Variants in ICAM5 observed in about 807,000 individuals in gnomAD.
ICAM5 encodes the protein ICAM-5.
In ICAM5, 38 loss-of-function variants were observed where a neutral mutation model predicts 78.8. The ratio of observed to expected loss-of-function variants is 0.48; its 90% CI spans 0.37 to 0.63. ICAM5 has a LOEUF of 0.63. ICAM5 is among the 30% of genes least tolerant of loss of function. The pLI is 0.00. For missense variants in ICAM5, 1,059 were observed against 1,303.0 expected (o/e 0.81, Z 2.88); for synonymous variants, 544 against 590.9 (o/e 0.92, Z 1.15).
intron 9 of ICAM5, 144 bp from the exon 10 acceptor site, chr19:10,295,202 G>A: frequency 1.1e-6 from 1 of 918,242 alleles, no homozygotes; most frequent in Non-Finnish European, 1.5e-6. Flanking sequence ...GATTGTCGGG[G>A]AAGGAGGCTC....
At position 10,291,482 on chromosome 19, in the gene ICAM5, C is replaced by T. The variant is rs759166183; in HGVS notation, c.353-7C>T. 27 of 1,612,132 alleles carry T rather than the reference C, an allele frequency of 1.7e-5. No homozygotes were observed. In the African/African-American group the frequency reaches 2.5e-4, roughly 15 times the overall value. On this transcript the variant is annotated splice_polypyrimidine_tract_variant and splice_region_variant and intron_variant, in intron 2 of 10. Coordinates refer to ENST00000221980, the MANE Select transcript of ICAM5 (RefSeq NM_003259.4). ...TTCAAAGAGCTGCGGACTCTTCCCC[C>T]TTGCAGAGCGACCAGATCGCGTAGA...
chr19:10,295,740 A>G, intron 10 of ICAM5, 128 bp downstream of exon 10: 7 of 1,122,384 alleles, frequency 6.2e-6, no homozygotes, highest in Non-Finnish European at 7.4e-6. Context: ...GACAGAGTAG[A>G]AGTCAAAGGT....
chr19:10,293,191 C>G lies in ICAM5; in HGVS notation c.1410C>G (p.Cys470Trp). 1 of 1,609,158 alleles carries G rather than the reference C, an allele frequency of 6.2e-7. No homozygotes were observed. Among genetic ancestry groups the G allele is most frequent in the Non-Finnish European group, 8.5e-7 (1 of 1,178,036 alleles). Residue 470 changes from cysteine to tryptophan, a missense_variant, in exon 6 of 11, where the codon TGC (cysteine) becomes TGG (tryptophan). This residue lies in a region of ICAM5 where 815 missense variants were observed against 952.8 expected (regional missense o/e 0.86). Coordinates refer to ENST00000221980, the MANE Select transcript of ICAM5 (RefSeq NM_003259.4). The surrounding 1 kb of genome is among the most constrained non-coding windows in gnomAD (Gnocchi z 5.0). ...GGGCGCTCTCAGGCACTTACCGCTG[C>G]AAGGCGGCCAATGATCAAGGCGAGG... is the stretch of plus-strand genomic sequence containing the variant. Reference protein sequence around the residue: ...VTRALSGTYRCKAANDQGEAV... With the variant: ...VTRALSGTYRWKAANDQGEAV...
rs1020923791 is a variant in ICAM5 at position 10,290,069 on chromosome 19, G to C, written c.26G>C (p.Arg9Pro). The change falls in exon 1 of 11, where the codon CGC becomes CCC. Residue 9 changes from arginine to proline, a missense_variant. Coordinates refer to ENST00000221980, the MANE Select transcript of ICAM5 (RefSeq NM_003259.4). This position sits in a 1 kb window ranked among gnomAD's most constrained non-coding sequence, Gnocchi z 5.7. Reference sequence around the variant, plus strand: ...ATGCCAGGGCCTTCGCCAGGGCTGCGCCGGGCGCTACTCGGCCTCTGGGCT... The same window carrying C: ...ATGCCAGGGCCTTCGCCAGGGCTGCCCCGGGCGCTACTCGGCCTCTGGGCT... MPGPSPGL[R>P]RALLGLWAAL... The C allele has an allele frequency of 5.8e-6, 9 of 1,542,560 alleles. No individual in the cohort carries two copies. The highest frequency in any genetic ancestry group is 1.4e-5 in the African/African-American group (1 of 72,542).
Position 10,295,689 on chromosome 19 carries a change from G to C in ICAM5, c.2497+77G>C, listed in dbSNP as rs576408367. The C allele has an allele frequency of 1.3e-5, 18 of 1,426,616 alleles. No individual in the cohort carries two copies. The African/African-American group carries it at 1.9e-4, about 15-fold the overall frequency. The allele number at this position is 1,426,616 out of a possible 1,614,324, so 88.4% of individuals were successfully genotyped here. On this transcript the variant is annotated intron_variant, in intron 10 of 10. Coordinates refer to ENST00000221980, the MANE Select transcript of ICAM5 (RefSeq NM_003259.4). ...CCTGGGTCTTGGGGCGGCCGGCCCC[G>C]CCTGCCTCCCTCTCGGTCCCGGTAG...
chr19:10,291,012 A>G (rs931933556), intron 1 of ICAM5, 60 bp from the exon 2 acceptor site: 80 of 1,535,500 alleles, frequency 5.2e-5, no homozygotes, highest in Non-Finnish European at 6.2e-5. Flanking sequence ...GACTCGACAT[A>G]GGGGCGCTAA....
chr19:10,293,712 G>A lies in ICAM5; in HGVS notation c.1480G>A (p.Asp494Asn). 1.2e-6 allele frequency: 2 copies of A among 1,613,732 alleles called. No individual in the cohort carries two copies. The highest frequency in any genetic ancestry group is 1.7e-6 in the Non-Finnish European group (2 of 1,179,988). The change falls in exon 7 of 11, where the codon GAC becomes AAC. Residue 494 changes from aspartate (D) to asparagine (N), a missense_variant. Around this residue, in one of 3 missense-constraint regions of ICAM5, gnomAD observed 815 missense variants for 952.8 expected, o/e 0.86. Coordinates refer to ENST00000221980, the MANE Select transcript of ICAM5 (RefSeq NM_003259.4). The surrounding 1 kb of genome is among the most constrained non-coding windows in gnomAD (Gnocchi z 5.0). ...CCCTCCTCCAGACGCACCAGCGCTG[G>A]ACAGCGTGGGCTGCCCAGAACGCAT... The part of the protein sequence containing the change: ...TLTVEYAPAL[D>N]SVGCPERITW...
At chr19:10,295,672 T>C (rs1008493691) in intron 10 of ICAM5, 60 bp downstream of exon 10, 3 of 1,481,970 alleles carry the variant, frequency 2.0e-6, no homozygotes, top group African/African-American at 1.4e-5. Context: ...GACCTGGGTC[T>C]TGGGGCGGCC....
In ICAM5 at chr19:10,290,177, G is replaced by T; in HGVS notation, c.82+52G>T. On this transcript the variant is annotated intron_variant, in intron 1 of 10. Transcript: ENST00000221980. The surrounding 1 kb of genome is among the most constrained non-coding windows in gnomAD (Gnocchi z 5.7). ...GGACAGGGCGGGGGCGGAGTCCCTG[G>T]ACCTGAGAAACGGCCTCCTGTCCCT... The T allele has an allele frequency of 7.3e-7, 1 of 1,362,190 alleles. No individual in the cohort carries two copies. The allele number at this position is 1,362,190 out of a possible 1,614,324, so 84.4% of individuals were successfully genotyped here.
At position 10,293,604 on chromosome 19, in the gene ICAM5, A is replaced by G. The variant is rs2040194411; in HGVS notation, c.1466-94A>G. On this transcript the variant is annotated intron_variant, in intron 6 of 10. Transcript: ENST00000221980. This position sits in a 1 kb window ranked among gnomAD's most constrained non-coding sequence, Gnocchi z 5.0. ...CGGCGTCCAAGGGTTATGCAGGGAC[A>G]ACACTTCGTGGAAGCCTTGCCGCGC... 1.3e-6 allele frequency: 2 copies of G among 1,508,532 alleles called. No homozygotes were observed. Among genetic ancestry groups the G allele is most frequent in the South Asian group, 2.5e-5 (2 of 79,486 alleles). 93.4% of individuals were successfully genotyped at this position (1,508,532 alleles called of 1,614,324 possible). A position where few individuals can be genotyped will look rare whatever the true frequency, so the allele number is the denominator to read the frequency against.
rs779071361 is a variant in ICAM5 at position 10,292,851 on chromosome 19, G to A, written c.1201G>A (p.Glu401Lys). The A allele has an allele frequency of 6.2e-7, 1 of 1,612,596 alleles. No individual in the cohort carries two copies. Residue 401 changes from glutamate to lysine, a missense_variant, in exon 5 of 11, where the codon GAG (glutamate) becomes AAG (lysine). Coordinates refer to ENST00000221980, the MANE Select transcript of ICAM5 (RefSeq NM_003259.4). Reference protein sequence around the residue: ...GETLIKNRSAELRVLYAPRLD... With the variant: ...GETLIKNRSAKLRVLYAPRLD... ...GACCCTGATCAAGAACAGGAGCGCA[G>A]AGCTTCGTGTCCTATGTGAGTTGGT...
In ICAM5 at chr19:10,292,102, G is replaced by A; in HGVS notation, c.741G>A (p.Val247=). The change falls in exon 4 of 11, where the codon GTG becomes GTA. Residue 247 remains valine (V), a synonymous_variant. Transcript: ENST00000221980. ...TGGAAGTTGGCTCGGAAAGGCCCGT[G>A]AGCTGCACTCTGGACGGACTGTTTC... ...RLLEVGSERP[V]SCTLDGLFPA... is the part of the protein sequence containing the mutation. 6.2e-7 allele frequency: 1 copy of A among 1,613,404 alleles called. No homozygotes were observed. Among genetic ancestry groups the A allele is most frequent in the Non-Finnish European group, 8.5e-7 (1 of 1,180,040 alleles).
chr19:10,293,583 G>A lies in ICAM5; in HGVS notation c.1466-115G>A, dbSNP rs1162510713. 7.2e-7 allele frequency: 1 copy of A among 1,398,494 alleles called. No individual in the cohort carries two copies. 86.6% of individuals were successfully genotyped at this position (1,398,494 alleles called of 1,614,324 possible). A position where few individuals can be genotyped will look rare whatever the true frequency, so the allele number is the denominator to read the frequency against. On this transcript the variant is annotated intron_variant, in intron 6 of 10. Coordinates refer to ENST00000221980, the MANE Select transcript of ICAM5 (RefSeq NM_003259.4). This position sits in a 1 kb window ranked among gnomAD's most constrained non-coding sequence, Gnocchi z 5.0. ...TAGCGTGACACCTCCTTGGATCGGC[G>A]TCCAAGGGTTATGCAGGGACAACAC...
chr19:10,296,729 C>A lies in ICAM5; in HGVS notation c.*113C>A. The stretch of plus-strand genomic sequence containing the variant: ...TTATTTATGTATTCAACTCCAAGGG[C>A]GTCACCCCCATTTTCTACCCATCCC... On this transcript the variant is annotated 3_prime_UTR_variant, in exon 11 of 11. Transcript: ENST00000221980. 2 of 948,944 alleles carry A rather than the reference C, an allele frequency of 2.1e-6. No homozygotes were observed. Among genetic ancestry groups the A allele is most frequent in the Non-Finnish European group, 1.3e-6 (1 of 752,994 alleles). 58.8% of individuals were successfully genotyped at this position (948,944 alleles called of 1,614,324 possible).
chr19:10,291,989 T>C (rs578005327), intron 3 of ICAM5, 46 bp from the exon 4 acceptor site: 1 of 1,585,728 alleles, frequency 6.3e-7, no homozygotes, highest in South Asian at 1.1e-5. Context: ...GCTTAGGACA[T>C]ATTGAGCGCT....
At position 10,292,653 on chromosome 19, in the gene ICAM5, T is replaced by G. The variant is rs775163669; in HGVS notation, c.1003T>G (p.Ser335Ala). Reference sequence around the variant, plus strand: ...CCTGACCCTGAGCGAACCCAGCGTCTCCGAGGGGCAGATGGTGACAGTAAC... The same window carrying G: ...CCTGACCCTGAGCGAACCCAGCGTCGCCGAGGGGCAGATGGTGACAGTAAC... The part of the protein sequence containing the change: ...PLLTLSEPSV[S>A]EGQMVTVTCA... The change falls in exon 5 of 11, where the codon TCC (serine) becomes GCC (alanine). Residue 335 changes from serine (S) to alanine (A), a missense_variant. Transcript: ENST00000221980. 6.3e-7 allele frequency: 1 copy of G among 1,599,200 alleles called. No homozygotes were observed. The highest frequency in any genetic ancestry group is 1.1e-5 in the South Asian group (1 of 90,374).
intron 4 of ICAM5, 111 bp downstream of exon 4, chr19:10,292,433 CG>C: frequency 7.9e-7 from 1 of 1,270,772 alleles, no homozygotes; most frequent in Non-Finnish European, 1.1e-6. Flanking sequence ...GCCCGAGGGG[CG>C]GGGCAGGTGG....
In ICAM5 at chr19:10,296,364, C is replaced by T; in HGVS notation, c.2523C>T (p.Gly841=). The T allele has an allele frequency of 4.0e-6, 5 of 1,251,118 alleles. No homozygotes were observed. In the South Asian group the frequency reaches 1.0e-4, roughly 25 times the overall value. The allele number at this position is 1,251,118 out of a possible 1,614,324, so 77.5% of individuals were successfully genotyped here. A position where few individuals can be genotyped will look rare whatever the true frequency, so the allele number is the denominator to read the frequency against. The change falls in exon 11 of 11, where the codon GGC becomes GGT. Residue 841 remains glycine (G), a synonymous_variant. Transcript: ENST00000221980. ...GTCCGTGGCTATGGGTCGCCGTGGG[C>T]GGCGCGGCGGGGGGCGCGGCGCTGC... ...VAGPWLWVAV[G]GAAGGAALLA... is the part of the protein sequence containing the mutation.
chr19:10,291,394 C>A, intron 2 of ICAM5, 53 bp downstream of exon 2: 1 of 1,605,172 alleles, frequency 6.2e-7, no homozygotes, highest in East Asian at 2.2e-5. Context: ...CCCTCCCAGG[C>A]CCCGCCCCCT....
Sources: allele counts gnomAD v4.1 joint callset, GRCh38; gene constraint gnomAD v4.1.1; regional missense constraint gnomAD v4.1.1; non-coding constraint Gnocchi (gnomAD v3.1); transcripts MANE v1.5; gene names NCBI Gene and HGNC (gene_info 2026-07-23, HGNC 2026-07-21).